Variants in ZC3H6 observed in about 807,000 individuals in gnomAD.
ZC3H6 encodes zinc finger CCCH domain-containing protein 6.
A neutral mutation model predicts 107.7 loss-of-function variants in ZC3H6; 40 were observed. That is an observed-to-expected ratio of 0.37 (90% CI 0.29 to 0.48). The LOEUF is 0.48. Ranked by LOEUF, ZC3H6 falls within the 20% of genes least tolerant of loss-of-function variation. The pLI, the probability that ZC3H6 is intolerant of heterozygous loss-of-function variation, is 0.98. For missense variants in ZC3H6, 1,267 were observed against 1,410.4 expected (o/e 0.90, Z 1.63); for synonymous variants, 493 against 487.9 (o/e 1.01, Z -0.14).
intron 1 of ZC3H6, among the ~76,000 whole-genome samples, chr2:112,284,465 A>G (rs1422962953): frequency 2.0e-5 from 3 of 151,320 alleles, no homozygotes; most frequent in African/African-American, 7.3e-5. Flanking sequence ...AAGATATGAA[A>G]TGTTATCCCT....
intron 8 of ZC3H6, among the ~76,000 whole-genome samples, chr2:112,322,111 TCTTCCCTC>T (rs554957986): frequency 0.044 from 6,331 of 144,150 alleles, 183 homozygotes; most frequent in African/African-American, 0.062. Context: ...CTCCTTCCCG[TCTTCCCTC>T]CTTCCCTCCT....
At chr2:112,326,942 T>C (rs1357737281) in intron 11 of ZC3H6, among the ~76,000 whole-genome samples, 1 of 152,174 alleles carries the variant, frequency 6.6e-6, no homozygotes, top group Non-Finnish European at 1.5e-5. Flanking sequence ...TTAGGTTGCT[T>C]CCAAATCTTG....
chr2:112,282,660 G>A (rs750747052), intron 1 of ZC3H6, among the ~76,000 whole-genome samples: 25 of 152,162 alleles, frequency 1.6e-4, no homozygotes, highest in Non-Finnish European at 2.8e-4. Flanking sequence ...ACAAGAGAAC[G>A]CCAGTTTATT....
chr2:112,330,879 TATTA>T (rs576614771), intron 11 of ZC3H6, 122 bp from the exon 12 acceptor site: 157 of 353,542 alleles, frequency 4.4e-4, no homozygotes, highest in Non-Finnish European at 6.1e-4. Flanking sequence ...TGTTTTTTAA[TATTA>T]ATTAAGGCTA....
chr2:112,316,642 T>A, intron 6 of ZC3H6, 56 bp downstream of exon 6: 1 of 1,183,138 alleles, frequency 8.5e-7, no homozygotes, highest in Non-Finnish European at 1.2e-6. Context: ...TCTTTAAAAT[T>A]AAAGTCTTTT....
intron 2 of ZC3H6, among the ~76,000 whole-genome samples, chr2:112,301,045 G>A (rs1053281544): frequency 6.6e-6 from 1 of 152,238 alleles, no homozygotes; most frequent in Non-Finnish European, 1.5e-5. Context: ...AACAAGAGCA[G>A]TGTAACAACA....
At chr2:112,288,061 T>C (rs2104696188) in intron 1 of ZC3H6, among the ~76,000 whole-genome samples, 1 of 152,342 alleles carries the variant, frequency 6.6e-6, no homozygotes, top group Admixed American at 6.5e-5. Context: ...TCATACTCCA[T>C]TTTATGTTTT....
At position 112,331,203 on chromosome 2, in the gene ZC3H6, C is replaced by T. The variant is rs755203382; in HGVS notation, c.2285C>T (p.Thr762Ile). ...CAAGTGGTTGACCCTAGGCTTAGGA[C>T]TATCCCAAGGCAAGACATTAGAAAG... ...GNQVVDPRLR[T>I]IPRQDIRKPS... The change falls in exon 12 of 12, where the codon ACT becomes ATT. Residue 762 changes from threonine to isoleucine, a missense_variant. Physicochemically the swap from Thr to Ile is moderately conservative, Grantham distance 89. This residue lies in a region of ZC3H6 where 925 missense variants were observed against 1,025.7 expected (regional missense o/e 0.90). Coordinates refer to ENST00000409871, the MANE Select transcript of ZC3H6 (RefSeq NM_198581.3). The T allele has an allele frequency of 1.2e-6, 2 of 1,613,502 alleles. No individual in the cohort carries two copies. The highest frequency in any genetic ancestry group is 1.1e-5 in the South Asian group (1 of 90,966).
At position 112,331,398 on chromosome 2, in the gene ZC3H6, A is replaced by C. The variant is rs1418723569; in HGVS notation, c.2480A>C (p.Asp827Ala). Reference protein sequence around the residue: ...KHKRGDDDDEDTERELREKAF... With the variant: ...KHKRGDDDDEATERELREKAF... ...AAAAGAGGCGATGATGATGATGAAGATACAGAAAGAGAACTGAGAGAAAAA... is the reference window on the plus strand; with the variant it reads ...AAAAGAGGCGATGATGATGATGAAGCTACAGAAAGAGAACTGAGAGAAAAA... The change falls in exon 12 of 12, where the codon GAT (aspartate) becomes GCT (alanine). Residue 827 changes from aspartate (D) to alanine (A), a missense_variant. Transcript: ENST00000409871. 1.9e-6 allele frequency: 3 copies of C among 1,613,560 alleles called. No individual in the cohort carries two copies. Among genetic ancestry groups the C allele is most frequent in the Non-Finnish European group, 2.5e-6 (3 of 1,179,832 alleles).
chr2:112,299,502 T>C (rs1219446510), intron 1 of ZC3H6, among the ~76,000 whole-genome samples: 1 of 152,160 alleles, frequency 6.6e-6, no homozygotes, highest in Non-Finnish European at 1.5e-5. Context: ...GAAGAAAATT[T>C]AGTAGATGGT....
chr2:112,284,306 T>C (rs1307037604), intron 1 of ZC3H6, among the ~76,000 whole-genome samples: 1 of 152,210 alleles, frequency 6.6e-6, no homozygotes, highest in African/African-American at 2.4e-5. Context: ...TGAGTTGACA[T>C]AGGAATTACC....
rs781019032 is a variant in ZC3H6 at position 112,317,183 on chromosome 2, CT to C, written c.865-31del. On this transcript the variant is annotated intron_variant, in intron 6 of 11. Coordinates refer to ENST00000409871, the MANE Select transcript of ZC3H6 (RefSeq NM_198581.3). ...TTCTTTGTTTCTCATTGTTTCTTAC[CT>C]TTTTTTCTTTTTTCTTTTTTTTTTT... is the stretch of plus-strand genomic sequence containing the variant. 226 of 1,151,206 alleles carry C rather than the reference CT, an allele frequency of 2.0e-4. 2 individuals are homozygous for C. The South Asian group carries it at 3.0e-3, about 15-fold the overall frequency. The allele number at this position is 1,151,206 out of a possible 1,614,324, so 71.3% of individuals were successfully genotyped here.
In ZC3H6 at chr2:112,299,933, G is replaced by T. The variant is rs1270991372; in HGVS notation, c.117G>T (p.Lys39Asn). Reference sequence around the variant, plus strand: ...AAAAAGAAGCAAAAGAGAATGAAAAGCAGAAAAGTGAGAAAGCCTACAGAA... The same window carrying T: ...AAAAAGAAGCAAAAGAGAATGAAAATCAGAAAAGTGAGAAAGCCTACAGAA... Reference protein sequence around the residue: ...IQEKEAKENEKQKSEKAYRKS... With the variant: ...IQEKEAKENENQKSEKAYRKS... Residue 39 changes from lysine (K) to asparagine (N), a missense_variant, in exon 2 of 12, where the codon AAG becomes AAT. Physicochemically the swap from Lys to Asn is moderately conservative, Grantham distance 94 (BLOSUM62 0). Transcript: ENST00000409871. The T allele has an allele frequency of 6.6e-7, 1 of 1,510,610 alleles. No individual in the cohort carries two copies. The highest frequency in any genetic ancestry group is 8.9e-7 in the Non-Finnish European group (1 of 1,129,150). The allele number at this position is 1,510,610 out of a possible 1,614,324, so 93.6% of individuals were successfully genotyped here. A position where few individuals can be genotyped will look rare whatever the true frequency, so the allele number is the denominator to read the frequency against.
intron 7 of ZC3H6, among the ~76,000 whole-genome samples, chr2:112,321,083 A>C (rs923788502): frequency 2.6e-5 from 4 of 152,020 alleles, no homozygotes; most frequent in Non-Finnish European, 5.9e-5. Context: ...AAATTTCCTA[A>C]AACCATCCAG....
At chr2:112,280,226 C>T (rs929622333) in intron 1 of ZC3H6, among the ~76,000 whole-genome samples, 1 of 152,112 alleles carries the variant, frequency 6.6e-6, no homozygotes, top group Admixed American at 6.5e-5. Flanking sequence ...TAGTATGTTC[C>T]GTGGAGTAAA....
chr2:112,293,178 A>G (rs191249091), intron 1 of ZC3H6, among the ~76,000 whole-genome samples: 1 of 152,326 alleles, frequency 6.6e-6, no homozygotes, highest in East Asian at 1.9e-4. Context: ...AAAGGTTGTC[A>G]TAGGACTATG....
At chr2:112,277,437 C>G (rs1686447229) in intron 1 of ZC3H6, among the ~76,000 whole-genome samples, 1 of 151,658 alleles carries the variant, frequency 6.6e-6, no homozygotes, top group African/African-American at 2.4e-5. Flanking sequence ...TCTCTTAGTG[C>G]ACAAAGTAAC....
At chr2:112,310,191 A>G (rs1450851699) in intron 4 of ZC3H6, 30 bp downstream of exon 4, 2 of 1,592,828 alleles carry the variant, frequency 1.3e-6, no homozygotes, top group Admixed American at 1.8e-5. Context: ...CTGTCTTAGA[A>G]TGTGAGAACC....
chr2:112,308,633 T>C (rs1008693527), intron 3 of ZC3H6, among the ~76,000 whole-genome samples: 42 of 149,912 alleles, frequency 2.8e-4, no homozygotes, highest in Admixed American at 1.1e-3. Context: ...TGTTTCACCA[T>C]GTTGGCCAGG....
Sources: allele counts gnomAD v4.1 joint callset (sites outside exome capture counted in the v4.1 genomes callset), GRCh38; gene constraint gnomAD v4.1.1; regional missense constraint gnomAD v4.1.1; transcripts MANE v1.5; gene names NCBI Gene and HGNC (gene_info 2026-07-23, HGNC 2026-07-21).